PTPRN2: variants seen among roughly 807,000 people sequenced by gnomAD.
PTPRN2 encodes receptor-type tyrosine-protein phosphatase N2.
In PTPRN2, 74 loss-of-function variants were observed where a neutral mutation model predicts 118.8. The observed-to-expected ratio is 0.62, with a 90% CI of 0.52 to 0.76. PTPRN2 has a LOEUF of 0.76. PTPRN2 is among the 30% of genes least tolerant of loss of function. PTPRN2 has a pLI of 0.00. For missense variants in PTPRN2, 1,481 were observed against 1,394.4 expected (o/e 1.06, Z -0.99); for synonymous variants, 641 against 608.0 (o/e 1.05, Z -0.80).
At position 157,934,561 on chromosome 7, in the gene PTPRN2, A is replaced by T. The variant is rs117467839; in HGVS notation, c.1724-35824T>A. Among the ~76,000 whole-genome samples the T allele has an allele frequency of 2.7e-4, 41 of 152,266 alleles. No individual in the cohort carries two copies. The East Asian group carries it at 7.7e-3, about 29-fold the overall frequency. ...TTCCCACTATAGTATAGAACACTCCACTTCAATTTTTACTTGTTTAAAAGA... is the reference window on the plus strand; with the variant it reads ...TTCCCACTATAGTATAGAACACTCCTCTTCAATTTTTACTTGTTTAAAAGA... On this transcript the variant is annotated intron_variant, in intron 11 of 22. Coordinates refer to ENST00000389418, the MANE Select transcript of PTPRN2 (RefSeq NM_002847.5).
At position 157,919,402 on chromosome 7, in the gene PTPRN2, G is replaced by A. The variant is rs577006802; in HGVS notation, c.1724-20665C>T. Reference sequence around the variant, plus strand: ...AATAATAAAGGCTGTGGGAGATACCGAAATGATTCCCCGGAGGTGGGTTTC... The same window carrying A: ...AATAATAAAGGCTGTGGGAGATACCAAAATGATTCCCCGGAGGTGGGTTTC... On this transcript the variant is annotated intron_variant, in intron 11 of 22. Transcript: ENST00000389418. 3.7e-3 allele frequency among the ~76,000 whole-genome samples: 567 copies of A among 152,288 alleles called. 4 individuals carry two copies. Among genetic ancestry groups the A allele is most frequent in the African/African-American group, 0.013 (526 of 41,554 alleles).
intron 11 of PTPRN2, among the ~76,000 whole-genome samples, chr7:157,988,046 C>A (rs1464006190): frequency 6.6e-6 from 1 of 152,012 alleles, no homozygotes; most frequent in African/African-American, 2.4e-5. Flanking sequence ...CCTCACCACT[C>A]CCCCTTTTGT....
chr7:158,315,433 A>G lies in PTPRN2; in HGVS notation c.277+1386T>C, dbSNP rs943490182. Among the ~76,000 whole-genome samples, 39 of 145,690 alleles carry G rather than the reference A, an allele frequency of 2.7e-4. 1 individual carries two copies. Among genetic ancestry groups the G allele is most frequent in the East Asian group, 6.6e-4 (3 of 4,556 alleles). On this transcript the variant is annotated intron_variant, in intron 3 of 22. Transcript: ENST00000389418. The stretch of plus-strand genomic sequence containing the variant: ...CGCCCTCAAGGACAGAGGTGAACCC[A>G]GGACCCCATGAAGGACAGAGGTGAA...
At chr7:157,823,168 G>T (rs190406654) in intron 12 of PTPRN2, among the ~76,000 whole-genome samples, 1 of 152,068 alleles carries the variant, frequency 6.6e-6, no homozygotes, top group Non-Finnish European at 1.5e-5. Context: ...CATCCATCCA[G>T]ATTTCTATTG....
rs116553146 is a variant in PTPRN2 at position 158,384,602 on chromosome 7, T to C, written c.164-67670A>G. Among the ~76,000 whole-genome samples the C allele has an allele frequency of 5.7e-3, 860 of 152,184 alleles. 12 individuals are homozygous for C. The highest frequency in any genetic ancestry group is 0.02 in the African/African-American group (817 of 41,504). On this transcript the variant is annotated intron_variant, in intron 2 of 22. Transcript: ENST00000389418. ...TAAGCCAAGACAGATGAGTATAATGTAGAGAAACCCTGTATTACAGGAGGG... is the reference window on the plus strand; with the variant it reads ...TAAGCCAAGACAGATGAGTATAATGCAGAGAAACCCTGTATTACAGGAGGG...
At chr7:158,056,572 G>A (rs184718742) in intron 11 of PTPRN2, among the ~76,000 whole-genome samples, 12 of 152,334 alleles carry the variant, frequency 7.9e-5, no homozygotes, top group South Asian at 6.2e-4. Flanking sequence ...GGATGTTTTC[G>A]TGTGCATCCC....
chr7:157,914,291 C>T (rs953429627), intron 11 of PTPRN2, among the ~76,000 whole-genome samples: 6 of 152,236 alleles, frequency 3.9e-5, no homozygotes, highest in Non-Finnish European at 8.8e-5. Context: ...TGTCAGGAAT[C>T]GAGGTGTAGA....
rs575331282 is a variant in PTPRN2, at chr7:158,140,951, C to T, written c.911-2436G>A. ...AAGGTTTATGTAAAATAGCTCATGG[C>T]CACGTCTCTACCTTCCCGAACGACA... On this transcript the variant is annotated intron_variant, in intron 6 of 22. Transcript: ENST00000389418. 8.5e-5 allele frequency among the ~76,000 whole-genome samples: 13 copies of T among 152,302 alleles called. No individual in the cohort carries two copies. The South Asian group carries it at 2.3e-3, about 27-fold the overall frequency.
intron 15 of PTPRN2, among the ~76,000 whole-genome samples, chr7:157,612,225 C>G (rs976411492): frequency 3.3e-5 from 5 of 152,180 alleles, no homozygotes; most frequent in African/African-American, 4.8e-5. Flanking sequence ...AGACACACAG[C>G]GAGGCGTGGC....
At chr7:157,882,659 CAGAGA>C (rs1563204633) in intron 12 of PTPRN2, among the ~76,000 whole-genome samples, 3 of 148,698 alleles carry the variant, frequency 2.0e-5, no homozygotes, top group African/African-American at 7.5e-5. Flanking sequence ...AAAAGACTGT[CAGAGA>C]AAAGAACACA....
At chr7:158,071,068 CGTGGTGGTGG>C (rs1811397399) in intron 11 of PTPRN2, among the ~76,000 whole-genome samples, 7 of 53,538 alleles carry the variant, frequency 1.3e-4, no homozygotes, top group East Asian at 4.8e-4. Flanking sequence ...TGGAGGTGCT[CGTGGTGGTGG>C]AGGTGCCCGT....
chr7:157,689,515 ACT>A lies in PTPRN2; in HGVS notation c.1789-6580_1789-6579del, dbSNP rs1215125383. Among the ~76,000 whole-genome samples, 6 of 151,860 alleles carry A rather than the reference ACT, an allele frequency of 4.0e-5. No homozygotes were observed. The East Asian group carries it at 7.8e-4, about 20-fold the overall frequency. On this transcript the variant is annotated intron_variant, in intron 12 of 22. Transcript: ENST00000389418. ...CACTGAGGACCAAAAAGGGCGGGAG[ACT>A]CTCTCCGGCCCTAAAAGGCAATTGT...
chr7:157,946,736 G>A (rs997080009), intron 11 of PTPRN2, among the ~76,000 whole-genome samples: 1 of 152,240 alleles, frequency 6.6e-6, no homozygotes, highest in African/African-American at 2.4e-5. Flanking sequence ...ATCACATCCT[G>A]CAGTAAGGAT....
chr7:158,064,778 G>A (rs1810629471), intron 11 of PTPRN2, among the ~76,000 whole-genome samples: 1 of 152,116 alleles, frequency 6.6e-6, no homozygotes, highest in South Asian at 2.1e-4. Flanking sequence ...CAACAGAACT[G>A]ACTCCTGGCT....
intron 11 of PTPRN2, among the ~76,000 whole-genome samples, chr7:157,941,761 C>T (rs1342044259): frequency 6.6e-6 from 1 of 152,208 alleles, no homozygotes; most frequent in Non-Finnish European, 1.5e-5. Context: ...GTGGGGTCAG[C>T]ATGTGGCCAG....
At chr7:158,209,549 C>A (rs552416020) in intron 3 of PTPRN2, among the ~76,000 whole-genome samples, 37 of 152,134 alleles carry the variant, frequency 2.4e-4, no homozygotes, top group Non-Finnish European at 4.0e-4. Flanking sequence ...ATATATAAAA[C>A]AAATTTTATT....
intron 11 of PTPRN2, among the ~76,000 whole-genome samples, chr7:157,940,096 G>C (rs1001845190): frequency 7.2e-5 from 11 of 152,258 alleles, no homozygotes; most frequent in African/African-American, 2.4e-4. Flanking sequence ...ATGAGCCCCT[G>C]TCAAGAGTTC....
At chr7:158,110,068 G>T (rs758316162) in intron 10 of PTPRN2, among the ~76,000 whole-genome samples, 3 of 151,964 alleles carry the variant, frequency 2.0e-5, no homozygotes, top group Non-Finnish European at 4.4e-5. Flanking sequence ...ACACGTGTAG[G>T]CAGGCACCCC....
intron 11 of PTPRN2, among the ~76,000 whole-genome samples, chr7:158,077,505 C>A (rs1812458172): frequency 1.6e-5 from 2 of 125,852 alleles, no homozygotes; most frequent in Admixed American, 1.4e-4. Flanking sequence ...AGGACAGGAG[C>A]CCCCCATGAG....
Sources: gnomAD v4.1 joint callset for allele counts (sites outside exome capture counted in the v4.1 genomes callset) on GRCh38, gnomAD v4.1.1 for gene constraint, MANE v1.5 for transcripts, NCBI Gene and HGNC (gene_info 2026-07-23, HGNC 2026-07-21) for gene names.